The following IWS1 variants were observed in gnomAD, a reference collection of about 807,000 sequenced individuals.
IWS1 encodes interacts with SUPT6H, CTD assembly factor 1.
A neutral mutation model predicts 86.7 loss-of-function variants in IWS1; 27 were observed. That is an observed-to-expected ratio of 0.31 (90% CI 0.23 to 0.43). The LOEUF is 0.43. IWS1 is among the 20% of genes least tolerant of loss of function. The pLI is 1.00. For synonymous variants in IWS1, 313 were observed against 335.1 expected (o/e 0.93, Z 0.72); for missense variants, 827 against 1,000.8 (o/e 0.83, Z 2.34).
At chr2:127,485,848 CACAGT>C (rs1332303623) in intron 13 of IWS1, 1 of 152,292 alleles carries the variant, frequency 6.6e-6, no homozygotes, top group Non-Finnish European at 1.5e-5. Context: ...CAAGCCCATG[CACAGT>C]ACATGCTTCC....
At chr2:127,487,607 G>A (rs1205611026) in intron 12 of IWS1, among the ~76,000 whole-genome samples, 1 of 152,180 alleles carries the variant, frequency 6.6e-6, no homozygotes, top group Non-Finnish European at 1.5e-5. Context: ...CTAGAGTGCA[G>A]TGGCACAATC....
chr2:127,491,856 C>T (rs1046393071), intron 10 of IWS1, 115 bp downstream of exon 10: 49 of 682,146 alleles, frequency 7.2e-5, no homozygotes, highest in Non-Finnish European at 1.1e-4. Flanking sequence ...AATTTCTATT[C>T]CACTTTACCG....
At chr2:127,525,571 C>G (rs1016424964) in intron 1 of IWS1, among the ~76,000 whole-genome samples, 3 of 152,200 alleles carry the variant, frequency 2.0e-5, no homozygotes, top group Non-Finnish European at 2.9e-5. Context: ...AGGTGCCAAG[C>G]ACCGTGCCAG....
At position 127,481,144 on chromosome 2, in the gene IWS1, C is replaced by T. The variant is rs944265258; in HGVS notation, c.2360G>A (p.Arg787Gln). Residue 787 changes from arginine (R) to glutamine (Q), a missense_variant, in exon 14 of 14, where the codon CGA becomes CAA. Physicochemically the swap from Arg to Gln is conservative, Grantham distance 43. This residue lies in a region of IWS1 where 279 missense variants were observed against 440.6 expected (regional missense o/e 0.63). Coordinates refer to ENST00000295321, the MANE Select transcript of IWS1 (RefSeq NM_017969.3). Reference protein sequence around the residue: ...FQATSKKGISRLDKQMRKFTD... With the variant: ...FQATSKKGISQLDKQMRKFTD... Reference sequence around the variant, plus strand: ...GAACTTTCTCATCTGTTTATCCAGTCGACTGATACCCTTCTTGGAGGTCGC... The same window carrying T: ...GAACTTTCTCATCTGTTTATCCAGTTGACTGATACCCTTCTTGGAGGTCGC... 10 of 1,609,380 alleles carry T rather than the reference C, an allele frequency of 6.2e-6. No individual in the cohort carries two copies. Among genetic ancestry groups the T allele is most frequent in the Non-Finnish European group, 8.5e-6 (10 of 1,178,616 alleles).
chr2:127,485,309 CTG>C lies in IWS1; in HGVS notation c.2328+1242_2328+1243del, dbSNP rs1032268622. ...ACCATAGGCAGGCAACACACACACACTGTGTGTGCTCCGCAACAAAGGTGCCA... is the reference window on the plus strand; with the variant it reads ...ACCATAGGCAGGCAACACACACACACTGTGTGCTCCGCAACAAAGGTGCCA... On this transcript the variant is annotated intron_variant, in intron 13 of 13. Coordinates refer to ENST00000295321, the MANE Select transcript of IWS1 (RefSeq NM_017969.3). Among the ~76,000 whole-genome samples the C allele has an allele frequency of 1.6e-4, 24 of 152,326 alleles. No homozygotes were observed. In the Middle Eastern group the frequency reaches 0.017, roughly 108 times the overall value.
chr2:127,503,631 T>A, intron 3 of IWS1, 55 bp from the exon 4 acceptor site: 1 of 1,289,570 alleles, frequency 7.8e-7, no homozygotes, highest in Non-Finnish European at 1.0e-6. Context: ...ATTGTATTAC[T>A]AAGCATAACA....
intron 5 of IWS1, among the ~76,000 whole-genome samples, chr2:127,501,987 A>C (rs1279242069): frequency 6.6e-6 from 1 of 152,208 alleles, no homozygotes; most frequent in Non-Finnish European, 1.5e-5. Context: ...GAACATATTT[A>C]AGGTGGTATC....
intron 2 of IWS1, among the ~76,000 whole-genome samples, chr2:127,516,176 C>A (rs968376879): frequency 1.3e-5 from 2 of 152,088 alleles, no homozygotes; most frequent in Non-Finnish European, 2.9e-5. Flanking sequence ...GCCTAGGCAA[C>A]GTGGCAAAAC....
Position 127,489,513 on chromosome 2 carries a change from A to AT in IWS1, c.2160-279dup, listed in dbSNP as rs1690108229. ...ACTATTATCAATACAAACTAAAACT[A>AT]TAACATTTTTTCTTCTAGGAACTCG... On this transcript the variant is annotated intron_variant, in intron 11 of 13. Transcript: ENST00000295321. The surrounding 1 kb of genome is among the most constrained non-coding windows in gnomAD (Gnocchi z 4.8). 1 of 498,944 alleles carries AT rather than the reference A, an allele frequency of 2.0e-6. No homozygotes were observed. The highest frequency in any genetic ancestry group is 3.7e-5 in the Admixed American group (1 of 26,786). The allele number at this position is 498,944 out of a possible 1,614,324, so 30.9% of individuals were successfully genotyped here.
At position 127,518,641 on chromosome 2, in the gene IWS1, C is replaced by T. The variant is rs138906370; in HGVS notation, c.150+5035G>A. Reference sequence around the variant, plus strand: ...AGTACAATGGCGTGATCTCAGATCACTGCAACCTCTGCCTCCCAGGTACAA... The same window carrying T: ...AGTACAATGGCGTGATCTCAGATCATTGCAACCTCTGCCTCCCAGGTACAA... On this transcript the variant is annotated intron_variant, in intron 2 of 13. Transcript: ENST00000295321. Among the ~76,000 whole-genome samples, 205 of 147,768 alleles carry T rather than the reference C, an allele frequency of 1.4e-3. 3 individuals are homozygous for T. The East Asian group carries it at 0.036, about 26-fold the overall frequency.
rs747886540 is a variant in IWS1 at position 127,505,725 on chromosome 2, G to A, written c.178C>T (p.Leu60Phe). ...ENETSDREDGLPKGHHVTDSE... is the reference protein window; with the variant it reads ...ENETSDREDGFPKGHHVTDSE... ...TCTGTCACATGATGTCCTTTGGGGA[G>A]GCCATCTTCTCGATCACTAGTTTCA... Residue 60 changes from leucine (L) to phenylalanine (F), a missense_variant, in exon 3 of 14, where the codon CTC (leucine) becomes TTC (phenylalanine). Leu to Phe is a conservative substitution (Grantham distance 22, BLOSUM62 0). Around this residue, in one of 2 missense-constraint regions of IWS1, gnomAD observed 548 missense variants for 560.2 expected, o/e 0.98. Coordinates refer to ENST00000295321, the MANE Select transcript of IWS1 (RefSeq NM_017969.3). This position sits in a 1 kb window ranked among gnomAD's most constrained non-coding sequence, Gnocchi z 5.0. 6.4e-7 allele frequency: 1 copy of A among 1,552,288 alleles called. No homozygotes were observed. The highest frequency in any genetic ancestry group is 8.7e-7 in the Non-Finnish European group (1 of 1,152,662).
chr2:127,488,917 T>C (rs1330568621), intron 12 of IWS1, among the ~76,000 whole-genome samples: 2 of 152,200 alleles, frequency 1.3e-5, no homozygotes, highest in Non-Finnish European at 2.9e-5. Flanking sequence ...CTATTTTTAA[T>C]TTGTTTTTAT....
chr2:127,495,136 A>C (rs1354403575), intron 7 of IWS1, among the ~76,000 whole-genome samples, 182 bp from the exon 8 acceptor site: 2 of 152,220 alleles, frequency 1.3e-5, no homozygotes, highest in Non-Finnish European at 2.9e-5. Flanking sequence ...ATGTCAGTCA[A>C]ACCCAAAAAA....
At chr2:127,518,562 CTTTTTT>C (rs747745807) in intron 2 of IWS1, among the ~76,000 whole-genome samples, 1 of 116,866 alleles carries the variant, frequency 8.6e-6, no homozygotes, top group African/African-American at 3.4e-5. Flanking sequence ...ACAGGCGATT[CTTTTTT>C]TTTTTTTTTT....
In IWS1 at chr2:127,505,905, C is replaced by G; in HGVS notation, c.151-153G>C. On this transcript the variant is annotated intron_variant, in intron 2 of 13. Coordinates refer to ENST00000295321, the MANE Select transcript of IWS1 (RefSeq NM_017969.3). This position sits in a 1 kb window ranked among gnomAD's most constrained non-coding sequence, Gnocchi z 5.0. Reference sequence around the variant, plus strand: ...GTCCTATACCCATATAGAAACACCCCCACAGAAAGCCAATCAGTGAAATGG... The same window carrying G: ...GTCCTATACCCATATAGAAACACCCGCACAGAAAGCCAATCAGTGAAATGG... 2.0e-6 allele frequency: 1 copy of G among 495,498 alleles called. No individual in the cohort carries two copies. Among genetic ancestry groups the G allele is most frequent in the Non-Finnish European group, 3.5e-6 (1 of 286,498 alleles). 30.7% of individuals were successfully genotyped at this position (495,498 alleles called of 1,614,324 possible).
At chr2:127,525,323 C>G (rs1324920584) in intron 1 of IWS1, among the ~76,000 whole-genome samples, 1 of 152,120 alleles carries the variant, frequency 6.6e-6, no homozygotes, top group East Asian at 1.9e-4. Context: ...AATTCACTGT[C>G]CTACGTAAGG....
intron 2 of IWS1, chr2:127,514,596 ATCTCC>A (rs1284621574): frequency 6.6e-6 from 1 of 152,260 alleles, no homozygotes; most frequent in African/African-American, 2.4e-5. Context: ...AGTTCCTGGC[ATCTCC>A]GAGTTTTCAG....
At chr2:127,498,035 T>C (rs1690607205) in intron 6 of IWS1, 105 bp downstream of exon 6, 2 of 831,310 alleles carry the variant, frequency 2.4e-6, no homozygotes, top group Admixed American at 2.4e-5. Flanking sequence ...ATAGACCCAC[T>C]CCTAAACTTA....
intron 5 of IWS1, among the ~76,000 whole-genome samples, chr2:127,500,929 A>C (rs942089429): frequency 2.0e-5 from 3 of 152,162 alleles, no homozygotes; most frequent in Non-Finnish European, 4.4e-5. Context: ...CTAACTTATC[A>C]GTTTACTAAT....
Sources: allele counts gnomAD v4.1 joint callset (sites outside exome capture counted in the v4.1 genomes callset), GRCh38; gene constraint gnomAD v4.1.1; regional missense constraint gnomAD v4.1.1; non-coding constraint Gnocchi (gnomAD v3.1); transcripts MANE v1.5; gene names NCBI Gene and HGNC (gene_info 2026-07-23, HGNC 2026-07-21).